The following MCM8 variants were observed in gnomAD, a reference collection of about 807,000 sequenced individuals.
MCM8 encodes the protein minichromosome maintenance 8 homologous recombination repair factor.
A neutral mutation model predicts 98.9 loss-of-function variants in MCM8; 85 were observed. That is an observed-to-expected ratio of 0.86 (90% confidence interval 0.72 to 1.03). The LOEUF is 1.03. MCM8 is among the 50% of genes least tolerant of loss of function. MCM8 has a pLI of 0.00. For missense variants in MCM8, 951 were observed against 997.8 expected (o/e 0.95, Z 0.63); for synonymous variants, 352 against 338.6 (o/e 1.04, Z -0.44).
At chr20:5,957,049 TTC>T (rs2089002934) in intron 5 of MCM8, 75 bp from the exon 6 acceptor site, 1 of 837,656 alleles carries the variant, frequency 1.2e-6, no homozygotes, top group African/African-American at 1.8e-5. Flanking sequence ...AAACTTTATA[TTC>T]TCTATAAAAA....
Position 5,994,478 on chromosome 20 carries a change from G to GACAC in MCM8, c.*129_*132dup, listed in dbSNP as rs11472210. On this transcript the variant is annotated 3_prime_UTR_variant, in exon 19 of 19. Transcript: ENST00000610722. ...ATATGCGTGCACGCACAGACAGACA[G>GACAC]ACACACACACACACACACACACACA... 32,881 of 380,930 alleles carry GACAC rather than the reference G, an allele frequency of 0.086. 1,039 individuals are homozygous for GACAC. Among genetic ancestry groups the GACAC allele is most frequent in the African/African-American group, 0.15 (6,490 of 43,036 alleles). 23.6% of individuals were successfully genotyped at this position (380,930 alleles called of 1,614,324 possible).
intron 14 of MCM8, 120 bp from the exon 15 acceptor site, chr20:5,984,661 C>G (rs2089693464): frequency 2.8e-6 from 2 of 721,706 alleles, no homozygotes; most frequent in South Asian, 1.9e-5. Context: ...ATTTCTTTAA[C>G]CTAAATCTTG....
At chr20:5,985,469 T>G (rs911763750) in intron 15 of MCM8, among the ~76,000 whole-genome samples, 11 of 149,512 alleles carry the variant, frequency 7.4e-5, no homozygotes, top group African/African-American at 2.7e-4. Context: ...GGAATCTAAG[T>G]CAGCTAAGAT....
At chr20:5,992,289 T>C (rs2089869462) in intron 17 of MCM8, among the ~76,000 whole-genome samples, 1 of 152,190 alleles carries the variant, frequency 6.6e-6, no homozygotes, top group Non-Finnish European at 1.5e-5. Flanking sequence ...GCAAAAGTAG[T>C]TGCAGTTTTT....
At chr20:5,987,453 T>G (rs769895019) in intron 17 of MCM8, 95 bp downstream of exon 17, 38 of 874,560 alleles carry the variant, frequency 4.3e-5, no homozygotes, top group Non-Finnish European at 6.3e-5. Context: ...ATTTAGCCCA[T>G]TGGGTCACTT....
intron 8 of MCM8, among the ~76,000 whole-genome samples, chr20:5,966,887 C>T (rs1004285246): frequency 2.6e-5 from 4 of 152,144 alleles, no homozygotes; most frequent in Admixed American, 2.6e-4. Context: ...TGATAAAGTA[C>T]GCATTCTTCC....
At chr20:5,987,510 C>G in intron 17 of MCM8, 152 bp downstream of exon 17, 1 of 600,378 alleles carries the variant, frequency 1.7e-6, no homozygotes, top group Non-Finnish European at 2.8e-6. Flanking sequence ...AAATATTTCT[C>G]ACTGTGTAAA....
chr20:5,961,287 G>C (rs2089136326), intron 7 of MCM8, among the ~76,000 whole-genome samples: 1 of 152,126 alleles, frequency 6.6e-6, no homozygotes, highest in African/African-American at 2.4e-5. Context: ...TTAAGCCCTT[G>C]TTACCATGGA....
chr20:5,980,784 A>G (rs1213891869), intron 13 of MCM8, among the ~76,000 whole-genome samples: 1 of 151,868 alleles, frequency 6.6e-6, no homozygotes. Flanking sequence ...AGGCACAAGA[A>G]TCGCTTGAAC....
chr20:5,975,497 CTTTTT>C (rs11476043), intron 12 of MCM8, among the ~76,000 whole-genome samples: 3 of 128,958 alleles, frequency 2.3e-5, no homozygotes, highest in Non-Finnish European at 1.6e-5. Context: ...TTTTTTTGCT[CTTTTT>C]TTTTTTTTTT....
chr20:5,952,533 G>C lies in MCM8; in HGVS notation c.253+5G>C, dbSNP rs200763655. ...GGAAGCTTTATTTCTCTGAAGGTAG[G>C]GTTTAAAAAGTACAAAAAAGCACCA... On this transcript the variant is annotated splice_donor_5th_base_variant and intron_variant, in intron 3 of 18. Coordinates refer to ENST00000610722, the MANE Select transcript of MCM8 (RefSeq NM_032485.6). 2.5e-6 allele frequency: 4 copies of C among 1,607,366 alleles called. No homozygotes were observed. The highest frequency in any genetic ancestry group is 2.6e-6 in the Non-Finnish European group (3 of 1,176,422).
chr20:5,992,797 T>C (rs985477449), intron 17 of MCM8, among the ~76,000 whole-genome samples: 1 of 152,216 alleles, frequency 6.6e-6, no homozygotes, highest in African/African-American at 2.4e-5. Flanking sequence ...ACTAATTAAT[T>C]AATTCCTGAT....
At chr20:5,960,266 G>A (rs1271853304) in intron 7 of MCM8, among the ~76,000 whole-genome samples, 1 of 151,818 alleles carries the variant, frequency 6.6e-6, no homozygotes, top group Non-Finnish European at 1.5e-5. Flanking sequence ...TCATTTTCCT[G>A]TTTATTGGTT....
chr20:5,970,542 T>TTCTG (rs2089380384), intron 10 of MCM8, among the ~76,000 whole-genome samples: 1 of 152,204 alleles, frequency 6.6e-6, no homozygotes, highest in African/African-American at 2.4e-5. Flanking sequence ...ACCTCAGCAC[T>TTCTG]TCTGGCCTGC....
At chr20:5,967,323 A>G in intron 8 of MCM8, 113 bp from the exon 9 acceptor site, 1 of 854,984 alleles carries the variant, frequency 1.2e-6, no homozygotes, top group Non-Finnish European at 1.7e-6. Context: ...TAAACTGTTA[A>G]TAAGCAAATC....
chr20:5,967,258 T>C (rs575684371), intron 8 of MCM8, among the ~76,000 whole-genome samples, 178 bp from the exon 9 acceptor site: 27 of 152,354 alleles, frequency 1.8e-4, no homozygotes, highest in African/African-American at 6.5e-4. Context: ...CAAATACATA[T>C]GTTCATTTGG....
In MCM8 at chr20:5,986,108, G is replaced by T; in HGVS notation, c.2140G>T (p.Glu714Ter). The T allele has an allele frequency of 6.2e-7, 1 of 1,614,126 alleles. No individual in the cohort carries two copies. Among genetic ancestry groups the T allele is most frequent in the Non-Finnish European group, 8.5e-7 (1 of 1,180,002 alleles). ...NSSPITTRQL[E>*]SLIRLTEARA... is the part of the protein sequence containing the mutation. ...CTCACCAATCACTACCAGGCAGCTG[G>T]AATCTTTGATTCGTCTGACAGAGGT... The change falls in exon 16 of 19, where the codon GAA (glutamate) becomes TAA (stop). Residue 714 changes from glutamate to a stop codon, truncating the protein, a stop_gained. Coordinates refer to ENST00000610722, the MANE Select transcript of MCM8 (RefSeq NM_032485.6). LOFTEE classifies it high-confidence loss of function.
intron 7 of MCM8, 77 bp downstream of exon 7, chr20:5,958,803 G>GT: frequency 1.5e-6 from 2 of 1,293,722 alleles, no homozygotes; most frequent in Non-Finnish European, 2.2e-6. Context: ...ATTTCCCAGT[G>GT]TTTCTGAACA....
chr20:5,977,079 G>T (rs1006604056), intron 12 of MCM8, among the ~76,000 whole-genome samples: 1 of 152,110 alleles, frequency 6.6e-6, no homozygotes, highest in Non-Finnish European at 1.5e-5. Context: ...GTGTTATAAG[G>T]TTTCTCAGAA....
Sources: allele counts gnomAD v4.1 joint callset (sites outside exome capture counted in the v4.1 genomes callset), GRCh38; gene constraint gnomAD v4.1.1; transcripts MANE v1.5; gene names NCBI Gene and HGNC (gene_info 2026-07-23, HGNC 2026-07-21).